The following PPP2R2B variants were observed in gnomAD, a reference collection of about 807,000 sequenced individuals.
PPP2R2B encodes protein phosphatase 2 regulatory subunit Bbeta.
In PPP2R2B, 5 loss-of-function variants were observed where a neutral mutation model predicts 46.0. That is an observed-to-expected ratio of 0.11 (90% CI 0.06 to 0.23). PPP2R2B has a LOEUF of 0.23. Ranked by LOEUF, PPP2R2B falls within the 10% of genes least tolerant of loss-of-function variation. The pLI, the probability that PPP2R2B is intolerant of heterozygous loss-of-function variation, is 1.00. For synonymous variants in PPP2R2B, 215 were observed against 206.7 expected (o/e 1.04, Z -0.34); for missense variants, 367 against 575.0 (o/e 0.64, Z 3.70).
intron 1 of PPP2R2B, among the ~76,000 whole-genome samples, chr5:147,027,773 C>G (rs1338340662): frequency 1.3e-5 from 2 of 151,984 alleles, no homozygotes; most frequent in East Asian, 1.9e-4. Context: ...TGTGTTAAAA[C>G]TCCTTGAATT....
chr5:146,601,166 C>T (rs937902952), intron 7 of PPP2R2B, among the ~76,000 whole-genome samples: 6 of 152,164 alleles, frequency 3.9e-5, no homozygotes, highest in Non-Finnish European at 2.9e-5. Context: ...GAATATACCA[C>T]ATTTTGTTTA....
intron 1 of PPP2R2B, among the ~76,000 whole-genome samples, chr5:146,889,596 T>C (rs1762430801): frequency 6.6e-6 from 1 of 152,202 alleles, no homozygotes; most frequent in African/African-American, 2.4e-5. Flanking sequence ...ATCCAACAAT[T>C]GAAACGTTGC....
At chr5:146,991,497 T>C (rs1204108502) in intron 1 of PPP2R2B, among the ~76,000 whole-genome samples, 2 of 152,184 alleles carry the variant, frequency 1.3e-5, no homozygotes, top group East Asian at 3.8e-4. Flanking sequence ...TAATAAGTTC[T>C]GGTCATATAT....
intron 1 of PPP2R2B, among the ~76,000 whole-genome samples, chr5:146,916,800 C>T (rs984481157): frequency 6.6e-6 from 1 of 152,126 alleles, no homozygotes; most frequent in Admixed American, 6.6e-5. Context: ...AAGTTGGGCA[C>T]TGAATTAAAC....
chr5:146,889,018 C>T (rs892777106), intron 1 of PPP2R2B, among the ~76,000 whole-genome samples: 3 of 152,180 alleles, frequency 2.0e-5, no homozygotes, highest in Non-Finnish European at 4.4e-5. Flanking sequence ...ACATAATTTC[C>T]AGGGAGAGAG....
chr5:147,035,103 C>A, intron 1 of PPP2R2B: 5 of 455,732 alleles, frequency 1.1e-5, no homozygotes, highest in Middle Eastern at 3.3e-4. Context: ...TTCGTTCTCA[C>A]ACAGCTATTG....
At chr5:146,975,775 T>A (rs1190483806) in intron 1 of PPP2R2B, among the ~76,000 whole-genome samples, 1 of 152,254 alleles carries the variant, frequency 6.6e-6, no homozygotes, top group African/African-American at 2.4e-5. Context: ...TGACTATTTG[T>A]ATATTTTATT....
At chr5:146,843,144 G>GC (rs957248841) in intron 2 of PPP2R2B, among the ~76,000 whole-genome samples, 7 of 152,248 alleles carry the variant, frequency 4.6e-5, no homozygotes, top group African/African-American at 1.7e-4. Flanking sequence ...CCCAGATCGT[G>GC]CCATTGCACT....
At chr5:146,600,493 G>A (rs1771675602) in intron 7 of PPP2R2B, 33 bp from the exon 8 acceptor site, 1 of 1,607,448 alleles carries the variant, frequency 6.2e-7, no homozygotes, top group Non-Finnish European at 8.5e-7. Context: ...GACAAATTTA[G>A]CAATCCTTAT....
intron 3 of PPP2R2B, among the ~76,000 whole-genome samples, chr5:146,699,660 G>GTT (rs1779417647): frequency 9.8e-6 from 1 of 101,758 alleles, no homozygotes; most frequent in Non-Finnish European, 1.9e-5. Flanking sequence ...GAACTTAATT[G>GTT]GTTTTTTTTT....
chr5:146,601,024 A>C (rs1406621136), intron 7 of PPP2R2B, among the ~76,000 whole-genome samples: 1 of 152,200 alleles, frequency 6.6e-6, no homozygotes, highest in African/African-American at 2.4e-5. Flanking sequence ...ATTTCACATA[A>C]ATAGAATCAT....
At chr5:146,989,535 AT>A (rs1753591208) in intron 1 of PPP2R2B, among the ~76,000 whole-genome samples, 1 of 152,116 alleles carries the variant, frequency 6.6e-6, no homozygotes, top group Non-Finnish European at 1.5e-5. Context: ...AAAGCCTTCA[AT>A]AAAATTCAAC....
intron 2 of PPP2R2B, among the ~76,000 whole-genome samples, chr5:146,830,847 G>A (rs1335524146): frequency 1.3e-5 from 2 of 152,260 alleles, no homozygotes; most frequent in South Asian, 2.1e-4. Context: ...TTCACAAAGC[G>A]ATTGTGGTAC....
At chr5:146,632,069 C>CG (rs1453759120) in intron 7 of PPP2R2B, among the ~76,000 whole-genome samples, 1 of 131,094 alleles carries the variant, frequency 7.6e-6, no homozygotes, top group Non-Finnish European at 1.6e-5. Context: ...GTGCCCCCCC[C>CG]CCCGCCCATT....
intron 1 of PPP2R2B, among the ~76,000 whole-genome samples, chr5:146,986,617 T>C (rs1469421883): frequency 6.6e-6 from 1 of 152,036 alleles, no homozygotes; most frequent in Non-Finnish European, 1.5e-5. Flanking sequence ...TATGGATGAA[T>C]TGAAAAGTAC....
chr5:146,672,716 G>GTA (rs945964031), intron 5 of PPP2R2B, among the ~76,000 whole-genome samples: 7 of 152,140 alleles, frequency 4.6e-5, no homozygotes, highest in Non-Finnish European at 8.8e-5. Context: ...TCTATAAGTA[G>GTA]TATATGCAGC....
intron 1 of PPP2R2B, among the ~76,000 whole-genome samples, chr5:147,045,219 A>G (rs560304245): frequency 6.6e-6 from 1 of 152,308 alleles, no homozygotes; most frequent in South Asian, 2.1e-4. Context: ...CACCCCTTAA[A>G]ATACATTCAT....
At chr5:146,665,472 A>G (rs1776929664) in intron 5 of PPP2R2B, among the ~76,000 whole-genome samples, 1 of 152,198 alleles carries the variant, frequency 6.6e-6, no homozygotes, top group Admixed American at 6.5e-5. Flanking sequence ...AGAACAAAAG[A>G]GAGAGCCTTG....
At chr5:146,990,549 A>G (rs1189578403) in intron 1 of PPP2R2B, among the ~76,000 whole-genome samples, 1 of 152,144 alleles carries the variant, frequency 6.6e-6, no homozygotes, top group Non-Finnish European at 1.5e-5. Context: ...CTTATTTTTC[A>G]CTATAAACAA....
Sources: allele counts gnomAD v4.1 joint callset (sites outside exome capture counted in the v4.1 genomes callset), GRCh38; gene constraint gnomAD v4.1.1; transcripts MANE v1.5; gene names NCBI Gene and HGNC (gene_info 2026-07-23, HGNC 2026-07-21).